The following CAMK1D variants were observed in gnomAD, a reference collection of about 807,000 sequenced individuals.
The protein encoded by CAMK1D is calcium/calmodulin-dependent protein kinase type 1D.
In CAMK1D, 9 loss-of-function variants were observed where a neutral mutation model predicts 47.7. The observed-to-expected ratio is 0.19, with a 90% CI of 0.11 to 0.33. The LOEUF is 0.33. Among genes scored for constraint, CAMK1D ranks in the 10% least tolerant of loss-of-function variants. CAMK1D has a pLI of 1.00. For synonymous variants in CAMK1D, 184 were observed against 184.9 expected, an observed-to-expected ratio of 0.99 and a Z score of 0.04; for missense variants, 291 against 488.7, an observed-to-expected ratio of 0.60 and a Z score of 3.81.
intron 3 of CAMK1D, among the ~76,000 whole-genome samples, chr10:12,715,174 C>T (rs946357163): frequency 1.3e-5 from 2 of 152,176 alleles, no homozygotes; most frequent in African/African-American, 2.4e-5. Flanking sequence ...TTCTCAGCTA[C>T]CACGTATGAG....
intron 1 of CAMK1D, among the ~76,000 whole-genome samples, chr10:12,395,275 A>G (rs933361863): frequency 2.0e-5 from 3 of 151,080 alleles, no homozygotes; most frequent in Non-Finnish European, 3.0e-5. Flanking sequence ...GGGGTCCCAA[A>G]CCCTTGGCCT....
intron 2 of CAMK1D, among the ~76,000 whole-genome samples, chr10:12,554,091 T>C (rs1416632963): frequency 1.8e-5 from 2 of 113,938 alleles, no homozygotes; most frequent in African/African-American, 6.6e-5. Context: ...ATAAAATAGA[T>C]TTTTCTTTCT....
intron 6 of CAMK1D, among the ~76,000 whole-genome samples, chr10:12,796,381 T>C (rs1164659034): frequency 6.6e-6 from 1 of 152,214 alleles, no homozygotes; most frequent in African/African-American, 2.4e-5. Flanking sequence ...TGCTCACTTT[T>C]TAAAATTTAC....
intron 2 of CAMK1D, among the ~76,000 whole-genome samples, chr10:12,608,392 T>G (rs948617680): frequency 1.3e-4 from 20 of 152,360 alleles, no homozygotes; most frequent in African/African-American, 3.8e-4. Flanking sequence ...TAATCCAGCC[T>G]GGGCAACAAG....
At chr10:12,390,493 C>T (rs1005276950) in intron 1 of CAMK1D, among the ~76,000 whole-genome samples, 1 of 152,166 alleles carries the variant, frequency 6.6e-6, no homozygotes, top group Non-Finnish European at 1.5e-5. Flanking sequence ...TCTGTCTCTG[C>T]GTCTGTCTCT....
intron 1 of CAMK1D, among the ~76,000 whole-genome samples, chr10:12,491,567 G>A (rs1834383978): frequency 6.6e-6 from 1 of 152,086 alleles, no homozygotes; most frequent in African/African-American, 2.4e-5. Context: ...TCAGCCCTAG[G>A]TGTCCTGTTG....
intron 3 of CAMK1D, among the ~76,000 whole-genome samples, chr10:12,708,712 G>A (rs1281291196): frequency 1.3e-5 from 2 of 152,072 alleles, no homozygotes; most frequent in African/African-American, 2.4e-5. Flanking sequence ...TGGACAGGTG[G>A]GCTGTTTTCT....
chr10:12,496,251 C>A (rs768800518), intron 1 of CAMK1D, among the ~76,000 whole-genome samples: 22 of 152,210 alleles, frequency 1.4e-4, no homozygotes, highest in Non-Finnish European at 2.8e-4. Context: ...GACACTTAAA[C>A]TTTAATGACT....
chr10:12,527,343 T>G (rs1236417102), intron 1 of CAMK1D, among the ~76,000 whole-genome samples: 1 of 147,820 alleles, frequency 6.8e-6, no homozygotes, highest in Admixed American at 6.9e-5. Context: ...TTCCTTGACT[T>G]GACTTGCTTT....
At chr10:12,573,802 G>GT (rs1284585041) in intron 2 of CAMK1D, among the ~76,000 whole-genome samples, 1 of 141,622 alleles carries the variant, frequency 7.1e-6, no homozygotes, top group Non-Finnish European at 1.5e-5. Context: ...TTACAAGCAC[G>GT]TGCCACCATG....
At chr10:12,409,766 G>A (rs1054592312) in intron 1 of CAMK1D, among the ~76,000 whole-genome samples, 1 of 152,158 alleles carries the variant, frequency 6.6e-6, no homozygotes, top group African/African-American at 2.4e-5. Context: ...CATTAAGTAC[G>A]TCCACAGCAT....
chr10:12,452,269 C>A (rs1203590244), intron 1 of CAMK1D, among the ~76,000 whole-genome samples: 2 of 152,026 alleles, frequency 1.3e-5, no homozygotes, highest in African/African-American at 4.8e-5. Flanking sequence ...ACTGAATTTA[C>A]AATATTTATA....
intron 1 of CAMK1D, among the ~76,000 whole-genome samples, chr10:12,363,645 C>T (rs1475513215): frequency 6.7e-6 from 1 of 149,142 alleles, no homozygotes; most frequent in Non-Finnish European, 1.5e-5. Flanking sequence ...TCAGTTCAGA[C>T]ACAGTTTTTG....
intron 1 of CAMK1D, among the ~76,000 whole-genome samples, chr10:12,404,881 G>T (rs1005668307): frequency 6.6e-6 from 1 of 151,918 alleles, no homozygotes; most frequent in African/African-American, 2.4e-5. Context: ...TAGAAATGGG[G>T]TTTCTCCATG....
rs1836791113 is a variant in CAMK1D, at chr10:12,557,285, C to T, written c.224+3929C>T. Among the ~76,000 whole-genome samples the T allele has an allele frequency of 2.0e-5, 3 of 152,278 alleles. No homozygotes were observed. In the South Asian group the frequency reaches 6.2e-4, roughly 32 times the overall value. ...AAAGTCCTGGCCGGGTGCCACGGCT[C>T]ACGCCTGTAATCCCAGCACTTTGGG... On this transcript the variant is annotated intron_variant, in intron 2 of 10. Transcript: ENST00000619168.
intron 6 of CAMK1D, among the ~76,000 whole-genome samples, chr10:12,804,732 G>A (rs554532259): frequency 2.0e-5 from 3 of 147,638 alleles, no homozygotes; most frequent in Non-Finnish European, 3.0e-5. Flanking sequence ...CTAGGAGTTC[G>A]AGACCAGCCT....
At chr10:12,736,831 C>T (rs1835211511) in intron 3 of CAMK1D, among the ~76,000 whole-genome samples, 2 of 152,206 alleles carry the variant, frequency 1.3e-5, no homozygotes. Context: ...ACTGGCAGAA[C>T]TCAGCATCTG....
In CAMK1D at chr10:12,349,745, GC is replaced by G; in HGVS notation, c.-73del. Reference sequence around the variant, plus strand: ...GCCGCCCGGCATCCCCGCCGCCTCTGCGCCCGCGCCGCGCCCCCGGCGCCCC... The same window carrying G: ...GCCGCCCGGCATCCCCGCCGCCTCTGGCCCGCGCCGCGCCCCCGGCGCCCC... On this transcript the variant is annotated 5_prime_UTR_variant, in exon 1 of 11. Transcript: ENST00000619168. 1 of 497,548 alleles carries G rather than the reference GC, an allele frequency of 2.0e-6. No individual in the cohort carries two copies. The highest frequency in any genetic ancestry group is 2.1e-5 in the African/African-American group (1 of 47,122). The allele number at this position is 497,548 out of a possible 1,614,324, so 30.8% of individuals were successfully genotyped here. A position where few individuals can be genotyped will look rare whatever the true frequency, so the allele number is the denominator to read the frequency against.
At chr10:12,531,855 C>T (rs1835816194) in intron 1 of CAMK1D, among the ~76,000 whole-genome samples, 1 of 152,228 alleles carries the variant, frequency 6.6e-6, no homozygotes, top group African/African-American at 2.4e-5. Context: ...GTGGTTGGTA[C>T]AGCAAATAAC....
Sources: allele counts gnomAD v4.1 joint callset (sites outside exome capture counted in the v4.1 genomes callset), GRCh38; gene constraint gnomAD v4.1.1; transcripts MANE v1.5; gene names NCBI Gene and HGNC (gene_info 2026-07-23, HGNC 2026-07-21).